OR14I1: variants seen among roughly 807,000 people sequenced by gnomAD.
OR14I1 encodes olfactory receptor 14I1.
For synonymous variants in OR14I1, 118 were observed against 71.1 expected (o/e 1.66, Z -3.32); for missense variants, 279 against 181.8 (o/e 1.53, Z -3.07).
At chr1:248,698,146 T>C in the OR14I1 span, among the ~76,000 whole-genome samples, 1 of 152,226 alleles carries the variant, frequency 6.6e-6, no homozygotes, top group Admixed American at 6.5e-5. Flanking sequence ...GTGAGGTAAT[T>C]AGAAGGCTAA....
chr1:248,682,117 T>G (rs751850469), exon 1 of OR14I1: 1 of 780,786 alleles, frequency 1.3e-6, no homozygotes, highest in South Asian at 1.3e-5. Context: ...AACGGAGAGG[T>G]TCTTCAGGAA....
At chr1:248,686,579 G>C (rs1661654592), upstream of OR14I1, among the ~76,000 whole-genome samples, 1 of 119,466 alleles carries the variant, frequency 8.4e-6, no homozygotes, top group Admixed American at 8.0e-5. Context: ...GCACTATTTT[G>C]TTTGCTTGTT....
chr1:248,692,310 C>T, the OR14I1 span: 1 of 152,790 alleles, frequency 6.5e-6, no homozygotes, highest in Non-Finnish European at 1.5e-5. Flanking sequence ...TCGTGAATTC[C>T]CTCCTGCATT....
chr1:248,681,140 T>G (rs564299513), downstream of OR14I1, among the ~76,000 whole-genome samples: 106 of 152,164 alleles, frequency 7.0e-4, 1 homozygote, highest in African/African-American at 2.3e-3. Flanking sequence ...AACCTTGAAA[T>G]ATTTTATGAA....
chr1:248,696,853 A>G, the OR14I1 span, among the ~76,000 whole-genome samples: 1 of 152,102 alleles, frequency 6.6e-6, no homozygotes, highest in Non-Finnish European at 1.5e-5. Context: ...AGGGATTTTT[A>G]TAGTAACTCT....
At chr1:248,696,050 A>C in the OR14I1 span, among the ~76,000 whole-genome samples, 3 of 151,666 alleles carry the variant, frequency 2.0e-5, no homozygotes, top group South Asian at 6.3e-4. Context: ...TAAACTCCCC[A>C]CTCCCACCAC....
the OR14I1 span, among the ~76,000 whole-genome samples, chr1:248,694,886 A>T: frequency 6.6e-6 from 1 of 152,236 alleles, no homozygotes; most frequent in Non-Finnish European, 1.5e-5. Flanking sequence ...TTCTGCAGTG[A>T]TCAAAATGTC....
upstream of OR14I1, among the ~76,000 whole-genome samples, chr1:248,686,285 T>G (rs113617347): frequency 1.3e-5 from 2 of 152,334 alleles, no homozygotes; most frequent in African/African-American, 4.8e-5. Flanking sequence ...TTAATTTCAA[T>G]TTACTGAAAT....
At chr1:248,685,246 A>T (rs191816923), upstream of OR14I1, among the ~76,000 whole-genome samples, 3 of 152,178 alleles carry the variant, frequency 2.0e-5, no homozygotes, top group Admixed American at 2.0e-4. Context: ...GACTCAGGTG[A>T]TTACATTCTG....
At chr1:248,691,129 T>C in the OR14I1 span, among the ~76,000 whole-genome samples, 4 of 152,326 alleles carry the variant, frequency 2.6e-5, no homozygotes, top group East Asian at 7.7e-4. Context: ...AATTAGAGCT[T>C]CTGCAGCTGC....
chr1:248,697,170 AAT>A, the OR14I1 span: 2 of 152,234 alleles, frequency 1.3e-5, no homozygotes, highest in Non-Finnish European at 2.9e-5. Flanking sequence ...CAGCAGATAA[AAT>A]AAAGTGTATT....
upstream of OR14I1, among the ~76,000 whole-genome samples, chr1:248,685,102 G>C (rs533907082): frequency 6.6e-6 from 1 of 151,624 alleles, no homozygotes; most frequent in East Asian, 1.9e-4. Context: ...TATTTAAATT[G>C]CTTGTAAAAT....
upstream of OR14I1, among the ~76,000 whole-genome samples, chr1:248,685,139 ACT>A (rs1255490230): frequency 2.0e-5 from 3 of 152,048 alleles, no homozygotes; most frequent in Admixed American, 6.6e-5. Context: ...TCTTTTTTCC[ACT>A]GTTTTCTTTG....
the OR14I1 span, among the ~76,000 whole-genome samples, chr1:248,697,477 T>TA: frequency 0.13 from 16,411 of 127,536 alleles, 1,534 homozygotes; most frequent in African/African-American, 0.27. Flanking sequence ...TGGTTAGGTT[T>TA]AAAAAAAAAA....
downstream of OR14I1, among the ~76,000 whole-genome samples, chr1:248,681,167 T>C (rs1389750777): frequency 6.6e-6 from 1 of 152,182 alleles, no homozygotes; most frequent in Admixed American, 6.5e-5. Flanking sequence ...TTTATACTTT[T>C]ATACTTTTAG....
At chr1:248,688,511 A>T in the OR14I1 span, among the ~76,000 whole-genome samples, 1 of 152,236 alleles carries the variant, frequency 6.6e-6, no homozygotes, top group East Asian at 1.9e-4. Context: ...TCTTTTAACT[A>T]AAATACTAAG....
At chr1:248,678,890 T>G (rs1368386766), downstream of OR14I1, among the ~76,000 whole-genome samples, 1 of 152,162 alleles carries the variant, frequency 6.6e-6, no homozygotes, top group Non-Finnish European at 1.5e-5. Context: ...CTAAAAAAGC[T>G]GAATATTAAT....
At chr1:248,683,747 C>T (rs4002349), upstream of OR14I1, among the ~76,000 whole-genome samples, 111,994 of 152,210 alleles carry the variant, frequency 0.74, 44,423 homozygotes, top group Non-Finnish European at 0.88. Context: ...AAGAATTGCA[C>T]TCTTGGCAAA....
the OR14I1 span, among the ~76,000 whole-genome samples, chr1:248,694,777 A>G: frequency 6.6e-6 from 1 of 152,218 alleles, no homozygotes; most frequent in Non-Finnish European, 1.5e-5. Context: ...AGCTTGTGCA[A>G]ATTGTTCTCA....
Sources: allele counts gnomAD v4.1 joint callset (sites outside exome capture counted in the v4.1 genomes callset), GRCh38; gene constraint gnomAD v4.1.1; transcripts MANE v1.5; gene names NCBI Gene and HGNC (gene_info 2026-07-23, HGNC 2026-07-21).